HP1BP3: variants seen among roughly 807,000 people sequenced by gnomAD.
HP1BP3 encodes the protein heterochromatin protein 1 binding protein 3, also known as heterochromatin protein 1-binding protein 3.
In HP1BP3, 12 loss-of-function variants were observed where a neutral mutation model predicts 62.5. That is an observed-to-expected ratio of 0.19 (90% confidence interval 0.12 to 0.31). The LOEUF is 0.31. Among genes scored for constraint, HP1BP3 ranks in the 10% least tolerant of loss-of-function variants. HP1BP3 has a pLI of 1.00. For missense variants in HP1BP3, 502 were observed against 651.8 expected (o/e 0.77, Z 2.50); for synonymous variants, 260 against 237.8 (o/e 1.09, Z -0.86).
In HP1BP3 at chr1:20,749,589, G is replaced by A. The variant is rs182456159; in HGVS notation, c.1141+134C>T. On this transcript the variant is annotated intron_variant, in intron 10 of 12. Transcript: ENST00000438032. ...TTGGCCAGACTGGTCTCAAACTCCC[G>A]ACCTCGTGATCCACCCGCCTCAGCC... is the stretch of plus-strand genomic sequence containing the variant. 5.8e-4 allele frequency: 446 copies of A among 774,648 alleles called. 1 individual carries two copies. The East Asian group carries it at 0.011, about 19-fold the overall frequency. 48.0% of individuals were successfully genotyped at this position (774,648 alleles called of 1,614,324 possible). A position where few individuals can be genotyped will look rare whatever the true frequency, so the allele number is the denominator to read the frequency against.
intron 4 of HP1BP3, chr1:20,775,716 ATACT>A (rs767275417): frequency 1.7e-5 from 6 of 355,748 alleles, no homozygotes; most frequent in Non-Finnish European, 2.5e-5. Context: ...AAATACACAA[ATACT>A]TACCGTTGTG....
At chr1:20,748,363 T>C (rs531611918) in intron 10 of HP1BP3, among the ~76,000 whole-genome samples, 1 of 152,210 alleles carries the variant, frequency 6.6e-6, no homozygotes, top group Non-Finnish European at 1.5e-5. Flanking sequence ...AAATATATTT[T>C]ATGGTGATTC....
chr1:20,754,188 A>T (rs1015331094), intron 9 of HP1BP3, among the ~76,000 whole-genome samples: 12 of 152,242 alleles, frequency 7.9e-5, no homozygotes, highest in African/African-American at 2.7e-4. Flanking sequence ...GGACAAATCG[A>T]TTGTATTTCT....
At chr1:20,777,909 T>C (rs1427070967) in intron 3 of HP1BP3, among the ~76,000 whole-genome samples, 1 of 152,252 alleles carries the variant, frequency 6.6e-6, no homozygotes, top group Non-Finnish European at 1.5e-5. Context: ...CAAAGTATTA[T>C]GGATAGAACT....
intron 8 of HP1BP3, 121 bp from the exon 9 acceptor site, chr1:20,757,377 T>TA (rs367815667): frequency 2.8e-5 from 10 of 356,808 alleles, no homozygotes; most frequent in African/African-American, 2.2e-4. Context: ...TTATTATTTT[T>TA]TTTTTTTTTT....
At position 20,743,122 on chromosome 1, in the gene HP1BP3, C is replaced by CT. The variant is rs35433329; in HGVS notation, c.*1674dup. 0.03 allele frequency: 4,227 copies of CT among 142,888 alleles called. 88 individuals carry two copies. The highest frequency in any genetic ancestry group is 0.05 in the Middle Eastern group (14 of 278). 8.9% of individuals were successfully genotyped at this position (142,888 alleles called of 1,614,324 possible). On this transcript the variant is annotated 3_prime_UTR_variant, in exon 13 of 13. Coordinates refer to ENST00000438032, the MANE Select transcript of HP1BP3 (RefSeq NM_001372052.1). ...GGGCTTCATTTACTTTTTTCCTTTT[C>CT]TTTTTTTTTTTAATATCTCAAAAAG...
At chr1:20,765,980 CAAAA>C (rs916472878) in intron 7 of HP1BP3, among the ~76,000 whole-genome samples, 1 of 132,350 alleles carries the variant, frequency 7.6e-6, no homozygotes, top group Non-Finnish European at 1.7e-5. Context: ...AAAAAAAAAA[CAAAA>C]AAAACACAAC....
In HP1BP3 at chr1:20,752,706, G is replaced by GTA. The variant is rs1353421253; in HGVS notation, c.982-2825_982-2824insTA. On this transcript the variant is annotated intron_variant, in intron 9 of 12. Transcript: ENST00000438032. ...AAATGTGGTTATTGTCTTCTTTACTGCTATGTACTTATGGTTTAAAAAAAA... is the reference window on the plus strand; with the variant it reads ...AAATGTGGTTATTGTCTTCTTTACTGTACTATGTACTTATGGTTTAAAAAAAA... Among the ~76,000 whole-genome samples, 19 of 152,188 alleles carry GTA rather than the reference G, an allele frequency of 1.2e-4. No homozygotes were observed. In the South Asian group the frequency reaches 3.9e-3, roughly 32 times the overall value.
At chr1:20,768,257 T>C (rs1467999886) in intron 6 of HP1BP3, among the ~76,000 whole-genome samples, 1 of 151,960 alleles carries the variant, frequency 6.6e-6, no homozygotes, top group Non-Finnish European at 1.5e-5. Context: ...CCATCCTGGC[T>C]AACACAGTGA....
At chr1:20,749,688 C>A in intron 10 of HP1BP3, 35 bp downstream of exon 10, 1 of 1,579,560 alleles carries the variant, frequency 6.3e-7, no homozygotes. Context: ...GAAAATTCTC[C>A]TAATCCCAGT....
chr1:20,781,626 A>AT (rs921730801), intron 1 of HP1BP3, among the ~76,000 whole-genome samples: 17 of 150,992 alleles, frequency 1.1e-4, no homozygotes, highest in Admixed American at 4.6e-4. Flanking sequence ...TTAATATTAA[A>AT]TTTTTTTTTT....
intron 8 of HP1BP3, among the ~76,000 whole-genome samples, chr1:20,763,151 G>GT (rs1382824556): frequency 2.0e-5 from 3 of 152,090 alleles, no homozygotes; most frequent in Non-Finnish European, 4.4e-5. Flanking sequence ...CACCATGATT[G>GT]TAAGTTTCCT....
At chr1:20,753,518 G>A (rs970697772) in intron 9 of HP1BP3, among the ~76,000 whole-genome samples, 5 of 152,048 alleles carry the variant, frequency 3.3e-5, no homozygotes, top group African/African-American at 4.8e-5. Flanking sequence ...TTTTGTTGTC[G>A]TATATAATGA....
At chr1:20,782,373 C>T (rs1255509620) in intron 1 of HP1BP3, among the ~76,000 whole-genome samples, 1 of 151,122 alleles carries the variant, frequency 6.6e-6, no homozygotes, top group Admixed American at 6.6e-5. Flanking sequence ...CACTCGAGCC[C>T]AGGAGTTCAA....
intron 9 of HP1BP3, among the ~76,000 whole-genome samples, chr1:20,752,581 C>A (rs1158132746): frequency 1.3e-5 from 2 of 152,098 alleles, no homozygotes; most frequent in African/African-American, 4.8e-5. Flanking sequence ...TGAGCCACTG[C>A]ACCTGGCCTT....
chr1:20,749,823 C>T lies in HP1BP3; in HGVS notation c.1041G>A (p.Leu347=), dbSNP rs1273783354. The change falls in exon 10 of 13, where the codon TTG becomes TTA. Residue 347 remains leucine, a synonymous_variant. Transcript: ENST00000438032. ...GCTCATTCATGGCAGCAATGGCAGA[C>T]AAGATTGCATATTCCATCAGGCTTC... ...LGGSLMEYAI[L]SAIAAMNEPK... is the part of the protein sequence containing the mutation. The T allele has an allele frequency of 1.9e-6, 3 of 1,614,152 alleles. No individual in the cohort carries two copies. The East Asian group carries it at 6.7e-5, about 36-fold the overall frequency.
chr1:20,766,266 G>A (rs1179721654), intron 7 of HP1BP3, among the ~76,000 whole-genome samples: 6 of 152,116 alleles, frequency 3.9e-5, no homozygotes, highest in African/African-American at 1.4e-4. Flanking sequence ...ACTCCAGCCT[G>A]AGCAACAAGA....
At chr1:20,776,446 A>C in intron 4 of HP1BP3, 151 bp downstream of exon 4, 1 of 682,552 alleles carries the variant, frequency 1.5e-6, no homozygotes. Flanking sequence ...ACAACTATAT[A>C]ATAAACCTAT....
At chr1:20,751,328 ACCTTT>A (rs1239625768) in intron 9 of HP1BP3, among the ~76,000 whole-genome samples, 1 of 151,682 alleles carries the variant, frequency 6.6e-6, no homozygotes, top group Non-Finnish European at 1.5e-5. Flanking sequence ...GGGGATCTGC[ACCTTT>A]AACCCCTATG....
Sources: gnomAD v4.1 joint callset for allele counts (sites outside exome capture counted in the v4.1 genomes callset) on GRCh38, gnomAD v4.1.1 for gene constraint, MANE v1.5 for transcripts, NCBI Gene and HGNC (gene_info 2026-07-23, HGNC 2026-07-21) for gene names.